CACNA2D1: variants seen among roughly 807,000 people sequenced by gnomAD.
CACNA2D1 encodes the protein voltage-dependent calcium channel subunit alpha-2/delta-1.
In CACNA2D1, 53 loss-of-function variants were observed where a neutral mutation model predicts 171.5. The observed-to-expected ratio is 0.31, with a 90% CI of 0.25 to 0.39. The LOEUF (loss-of-function observed/expected upper bound fraction) is 0.39, where lower values mean the gene tolerates loss of function less well. Ranked by LOEUF, CACNA2D1 falls within the 10% of genes least tolerant of loss-of-function variation. CACNA2D1 has a pLI of 1.00. For synonymous variants in CACNA2D1, 442 were observed against 443.1 expected (o/e 1.00, Z 0.03); for missense variants, 903 against 1,299.8 (o/e 0.69, Z 4.69).
At chr7:82,412,328 G>A (rs981400948) in intron 1 of CACNA2D1, among the ~76,000 whole-genome samples, 2 of 148,872 alleles carry the variant, frequency 1.3e-5, no homozygotes, top group African/African-American at 5.0e-5. Context: ...TGTCACCCAG[G>A]CTGGAGTGCA....
intron 19 of CACNA2D1, 103 bp downstream of exon 19, chr7:81,997,076 A>C (rs1798118327): frequency 1.3e-6 from 1 of 788,152 alleles, no homozygotes; most frequent in Non-Finnish European, 2.3e-6. Flanking sequence ...ACAGTATCAA[A>C]CAGACAAGCT....
chr7:81,953,403 C>CG (rs1374350694), intron 38 of CACNA2D1, among the ~76,000 whole-genome samples: 1 of 152,018 alleles, frequency 6.6e-6, no homozygotes, highest in Non-Finnish European at 1.5e-5. Flanking sequence ...TCTCCTCTCC[C>CG]GCCTACTCAC....
Position 81,991,207 on chromosome 7 carries a change from G to T in CACNA2D1, c.1774C>A (p.Pro592Thr). The T allele has an allele frequency of 6.5e-7, 1 of 1,530,354 alleles. No individual in the cohort carries two copies. The highest frequency in any genetic ancestry group is 9.1e-7 in the Non-Finnish European group (1 of 1,104,058). The allele number at this position is 1,530,354 out of a possible 1,614,324, so 94.8% of individuals were successfully genotyped here. A position where few individuals can be genotyped will look rare whatever the true frequency, so the allele number is the denominator to read the frequency against. ...TACCTGTAATCTGTGCCATTGACAG[G>T]TGTCCATGTGTATGTCCTGTTTCCT... ...DKGNRTYTWTPVNGTDYSLAL... is the reference protein window; with the variant it reads ...DKGNRTYTWTTVNGTDYSLAL... The change falls in exon 21 of 39, where the codon CCT becomes ACT. Residue 592 changes from proline (P) to threonine (T), a missense_variant. Transcript: ENST00000356860.
At chr7:82,089,030 C>T (rs1328071470) in intron 6 of CACNA2D1, among the ~76,000 whole-genome samples, 1 of 152,136 alleles carries the variant, frequency 6.6e-6, no homozygotes, top group African/African-American at 2.4e-5. Context: ...AAGTAATGCT[C>T]TCCTGCTGCG....
At chr7:82,127,344 T>C (rs936325888) in intron 5 of CACNA2D1, among the ~76,000 whole-genome samples, 4 of 152,200 alleles carry the variant, frequency 2.6e-5, no homozygotes, top group African/African-American at 9.7e-5. Context: ...TCATTTTGCT[T>C]CCACTAACCT....
At chr7:82,410,571 C>A (rs765432456) in intron 1 of CACNA2D1, 1 of 971,894 alleles carries the variant, frequency 1.0e-6, no homozygotes, top group Non-Finnish European at 1.2e-6. Context: ...GGCTGGCTTG[C>A]GACACTTAGG....
intron 3 of CACNA2D1, among the ~76,000 whole-genome samples, chr7:82,264,849 T>C (rs1048553390): frequency 6.6e-6 from 1 of 152,184 alleles, no homozygotes; most frequent in African/African-American, 2.4e-5. Flanking sequence ...AAATACACAC[T>C]TACAGATGAA....
chr7:81,954,714 T>G (rs1163366630), intron 38 of CACNA2D1, among the ~76,000 whole-genome samples: 1 of 152,158 alleles, frequency 6.6e-6, no homozygotes, highest in African/African-American at 2.4e-5. Flanking sequence ...AGCCATCATT[T>G]AATTTCCTTC....
At chr7:82,415,259 C>G (rs1333996616) in intron 1 of CACNA2D1, among the ~76,000 whole-genome samples, 3 of 152,114 alleles carry the variant, frequency 2.0e-5, no homozygotes. Flanking sequence ...AATGGCCTGG[C>G]ATGGTGGCTC....
At chr7:81,959,428 T>C in intron 37 of CACNA2D1, 71 bp from the exon 38 acceptor site, 1 of 1,052,356 alleles carries the variant, frequency 9.5e-7, no homozygotes, top group Non-Finnish European at 1.5e-6. Flanking sequence ...CAATGCAATG[T>C]ATTTCCCAAA....
Position 82,208,575 on chromosome 7 carries a change from C to G in CACNA2D1, c.295-37966G>C, listed in dbSNP as rs138775885. 2.8e-3 allele frequency among the ~76,000 whole-genome samples: 429 copies of G among 152,230 alleles called. 4 individuals are homozygous for G. The highest frequency in any genetic ancestry group is 2.9e-3 in the Non-Finnish European group (196 of 67,970). ...TTATTCATATTCTAAATCTACTATT[C>G]ATATAATTCCCCTTAAATTTGCTTC... On this transcript the variant is annotated intron_variant, in intron 3 of 38. Coordinates refer to ENST00000356860, the MANE Select transcript of CACNA2D1 (RefSeq NM_000722.4).
At chr7:81,971,042 C>T in intron 26 of CACNA2D1, 2 of 304,612 alleles carry the variant, frequency 6.6e-6, no homozygotes, top group Admixed American at 4.6e-5. Context: ...GGAAAGCTAC[C>T]AGAGATGGCT....
intron 1 of CACNA2D1, among the ~76,000 whole-genome samples, chr7:82,365,268 A>G (rs773226849): frequency 2.0e-5 from 3 of 152,214 alleles, no homozygotes; most frequent in Admixed American, 6.5e-5. Flanking sequence ...TAAACAATGC[A>G]CTATCTAATG....
intron 10 of CACNA2D1, among the ~76,000 whole-genome samples, chr7:82,058,207 C>T (rs1286090276): frequency 6.6e-6 from 1 of 152,146 alleles, no homozygotes; most frequent in African/African-American, 2.4e-5. Flanking sequence ...GTCATTGTTT[C>T]CTTCCATCCA....
At chr7:82,042,931 C>A (rs992764) in intron 10 of CACNA2D1, among the ~76,000 whole-genome samples, 1 of 152,126 alleles carries the variant, frequency 6.6e-6, no homozygotes, top group East Asian at 1.9e-4. Context: ...AAATAGACCC[C>A]TCTATTGGAT....
At chr7:82,123,510 A>T (rs1345510163) in intron 5 of CACNA2D1, among the ~76,000 whole-genome samples, 1 of 152,190 alleles carries the variant, frequency 6.6e-6, no homozygotes, top group Non-Finnish European at 1.5e-5. Context: ...ATAAATTCAA[A>T]TTTTAAATCA....
chr7:82,218,038 C>T (rs967950434), intron 3 of CACNA2D1, among the ~76,000 whole-genome samples: 1 of 151,696 alleles, frequency 6.6e-6, no homozygotes, highest in African/African-American at 2.4e-5. Context: ...GGGTTCATGC[C>T]ATTCTCCTGC....
chr7:81,959,013 A>G (rs956035019), intron 38 of CACNA2D1, among the ~76,000 whole-genome samples: 5 of 152,080 alleles, frequency 3.3e-5, no homozygotes, highest in African/African-American at 1.2e-4. Flanking sequence ...ATTAACATTT[A>G]CTATGAGTTA....
chr7:82,085,011 A>G (rs1208916485), intron 6 of CACNA2D1, 111 bp from the exon 7 acceptor site: 5 of 975,666 alleles, frequency 5.1e-6, no homozygotes, highest in Non-Finnish European at 7.8e-6. Flanking sequence ...TACCTATAAA[A>G]TAACTCTAAT....
Sources: gnomAD v4.1 joint callset for allele counts (sites outside exome capture counted in the v4.1 genomes callset) on GRCh38, gnomAD v4.1.1 for gene constraint, MANE v1.5 for transcripts, NCBI Gene and HGNC (gene_info 2026-07-23, HGNC 2026-07-21) for gene names.